The following TTC34 variants were observed in gnomAD, a reference collection of about 807,000 sequenced individuals.
TTC34 encodes the protein tetratricopeptide repeat domain 34, also known as tetratricopeptide repeat protein 34.
Under a neutral mutation model 40.7 loss-of-function variants are expected in TTC34, and 44 were observed. The observed-to-expected ratio is 1.08, with a 90% CI of 0.85 to 1.39. The LOEUF (loss-of-function observed/expected upper bound fraction) is 1.39, where lower values mean the gene tolerates loss of function less well. Among genes scored for constraint, TTC34 ranks in the 40% most tolerant of loss-of-function variants. TTC34 has a pLI of 0.00. For synonymous variants in TTC34, 422 were observed against 398.6 expected (o/e 1.06, Z -0.70); for missense variants, 884 against 838.0 (o/e 1.05, Z -0.68).
chr1:2,773,171 C>T (rs868074574), intron 6 of TTC34, among the ~76,000 whole-genome samples: 4 of 140,098 alleles, frequency 2.9e-5, no homozygotes, highest in South Asian at 2.3e-4. Context: ...TGGAGCAGCG[C>T]CCACACCCCC....
At chr1:2,700,031 T>G (rs28521907) in intron 6 of TTC34, among the ~76,000 whole-genome samples, 1 of 72,394 alleles carries the variant, frequency 1.4e-5, no homozygotes. Flanking sequence ...GAGCATCTGA[T>G]AGCCTGGAGC....
chr1:2,783,019 T>A (rs1288437285), intron 6 of TTC34, among the ~76,000 whole-genome samples: 1 of 152,218 alleles, frequency 6.6e-6, no homozygotes, highest in Admixed American at 6.5e-5. Context: ...CTGATTGGGA[T>A]CTGTCTTCTT....
chr1:2,644,519 G>C, intron 7 of TTC34, 41 bp from the exon 8 acceptor site: 1 of 1,511,910 alleles, frequency 6.6e-7, no homozygotes, highest in Non-Finnish European at 8.9e-7. Context: ...TGTGGGGTTG[G>C]GCAGAGGTGC....
Position 2,645,545 on chromosome 1 carries a change from C to A in TTC34, c.2245G>T (p.Val749Phe), listed in dbSNP as rs554219727. The A allele has an allele frequency of 9.8e-6, 10 of 1,020,522 alleles. No homozygotes were observed. Among genetic ancestry groups the A allele is most frequent in the South Asian group, 1.8e-5 (1 of 57,086 alleles). The allele number at this position is 1,020,522 out of a possible 1,614,324, so 63.2% of individuals were successfully genotyped here. ...CCGGGGCCGAGCTTCAGAGCAGAGA[C>A]GATGTCGTCCACGGCTTCCTGCAAG... The change falls in exon 7 of 9, where the codon GTC becomes TTC. Residue 749 changes from valine (V) to phenylalanine (F), a missense_variant. Transcript: ENST00000401095. This position sits in a 1 kb window ranked among gnomAD's most constrained non-coding sequence, Gnocchi z 4.7.
At position 2,789,859 on chromosome 1, in the gene TTC34, G is replaced by T; in HGVS notation, c.1272C>A (p.Cys424Ter). 2.3e-6 allele frequency: 1 copy of T among 426,174 alleles called. No individual in the cohort carries two copies. Among genetic ancestry groups the T allele is most frequent in the Admixed American group, 4.4e-5 (1 of 22,766 alleles). The allele number at this position is 426,174 out of a possible 1,614,324, so 26.4% of individuals were successfully genotyped here. Residue 424 changes from cysteine (C) to a stop codon, truncating the protein, a stop_gained, in exon 3 of 9, where the codon TGC (cysteine) becomes TGA (stop). Transcript: ENST00000401095. LOFTEE classifies it high-confidence loss of function. ...GCCGCGAGTCCCCGGCGTGCAGCGC[G>T]CAGAAGCCGCGCAGAGCCAGGAGAG...
chr1:2,692,020 C>CT, intron 6 of TTC34, among the ~76,000 whole-genome samples: 1 of 109,566 alleles, frequency 9.1e-6, no homozygotes, highest in African/African-American at 3.3e-5. Flanking sequence ...TATCAGCACC[C>CT]ACACCCCCAG....
intron 6 of TTC34, among the ~76,000 whole-genome samples, chr1:2,688,010 C>A (rs372565337): frequency 8.7e-4 from 112 of 128,116 alleles, no homozygotes; most frequent in Middle Eastern, 4.0e-3. Flanking sequence ...CCCACACCCC[C>A]AGGCGAGCAT....
intron 6 of TTC34, among the ~76,000 whole-genome samples, chr1:2,749,419 T>G (rs1569686005): frequency 1.5e-5 from 2 of 135,496 alleles, no homozygotes; most frequent in Admixed American, 7.6e-5. Context: ...GGTGCGCACG[T>G]GACAGCCTGG....
Position 2,645,440 on chromosome 1 carries a change from C to A in TTC34, c.2350G>T (p.Ala784Ser). The change falls in exon 7 of 9, where the codon GCC becomes TCC. Residue 784 changes from alanine (A) to serine (S), a missense_variant. Physicochemically the swap from Ala to Ser is moderately conservative, Grantham distance 99 (BLOSUM62 1). Coordinates refer to ENST00000401095, the Ensembl canonical transcript of TTC34. The surrounding 1 kb of genome is among the most constrained non-coding windows in gnomAD (Gnocchi z 4.7). Reference sequence around the variant, plus strand: ...GTGTCTGGCAGCTGGCTCAGAAGGGCCCGGCAGTGGGAGTAGAGGCCCTGT... The same window carrying A: ...GTGTCTGGCAGCTGGCTCAGAAGGGACCGGCAGTGGGAGTAGAGGCCCTGT... 7 of 1,535,554 alleles carry A rather than the reference C, an allele frequency of 4.6e-6. No individual in the cohort carries two copies. The highest frequency in any genetic ancestry group is 4.4e-6 in the Non-Finnish European group (5 of 1,146,682).
chr1:2,783,476 A>C, intron 6 of TTC34, 133 bp downstream of exon 6: 2 of 933,166 alleles, frequency 2.1e-6, no homozygotes, highest in African/African-American at 1.7e-5. Flanking sequence ...GGGGATGGGA[A>C]CATGGGTTTT....
At chr1:2,799,098 CCAGCCTCT>C (rs1389672837) in intron 2 of TTC34, among the ~76,000 whole-genome samples, 6 of 149,110 alleles carry the variant, frequency 4.0e-5, no homozygotes, top group Non-Finnish European at 7.4e-5. Flanking sequence ...TCCCAGACTT[CCAGCCTCT>C]CAGCCTCCCG....
chr1:2,685,006 G>C (rs1429762186), intron 6 of TTC34, among the ~76,000 whole-genome samples: 23 of 129,544 alleles, frequency 1.8e-4, no homozygotes, highest in Middle Eastern at 4.0e-3. Context: ...ACCCCCAGGC[G>C]AGCATCTGAC....
At chr1:2,700,015 C>A (rs1641056580) in intron 6 of TTC34, among the ~76,000 whole-genome samples, 1 of 118,588 alleles carries the variant, frequency 8.4e-6, no homozygotes, top group Non-Finnish European at 2.0e-5. Flanking sequence ...GTCCACACCC[C>A]CAGGTGAGCA....
At chr1:2,638,869 T>A (rs1299813634) in exon 9 of TTC34, 1 of 152,298 alleles carries the variant, frequency 6.6e-6, no homozygotes, top group Admixed American at 6.5e-5. Flanking sequence ...TCTTTGTCTA[T>A]CTGGACTGCC....
chr1:2,693,898 C>A (rs1640741126), intron 6 of TTC34, among the ~76,000 whole-genome samples: 1 of 116,462 alleles, frequency 8.6e-6, no homozygotes. Flanking sequence ...ACTGGAACAG[C>A]ACCCACATGC....
chr1:2,686,708 G>A (rs1570815183), intron 6 of TTC34, among the ~76,000 whole-genome samples: 4 of 148,822 alleles, frequency 2.7e-5, no homozygotes, highest in East Asian at 4.1e-4. Flanking sequence ...TGACAGCCTG[G>A]AACAGCACAC....
chr1:2,641,266 T>C (rs1570742529), exon 9 of TTC34: 1 of 1,325,808 alleles, frequency 7.5e-7, no homozygotes, highest in African/African-American at 1.5e-5. Context: ...GCAGGGCAGG[T>C]ACCTCCCCGA....
At position 2,767,718 on chromosome 1, in the gene TTC34, C is replaced by A. The variant is rs866755628; in HGVS notation, c.2226+15891G>T. On this transcript the variant is annotated intron_variant, in intron 6 of 8. Coordinates refer to ENST00000401095, the Ensembl canonical transcript of TTC34. Reference sequence around the variant, plus strand: ...GAGGATCTGACTACCTGGAACAGAACCCCGCTCTTCCAGGTGAGAATATGA... The same window carrying A: ...GAGGATCTGACTACCTGGAACAGAAACCCGCTCTTCCAGGTGAGAATATGA... 5.3e-4 allele frequency among the ~76,000 whole-genome samples: 74 copies of A among 139,818 alleles called. 1 individual carries two copies. The highest frequency in any genetic ancestry group is 1.9e-3 in the African/African-American group (71 of 37,220). The allele number at this position is 139,818 out of a possible 152,430, so 91.7% of individuals were successfully genotyped here. A position where few individuals can be genotyped will look rare whatever the true frequency, so the allele number is the denominator to read the frequency against.
intron 6 of TTC34, among the ~76,000 whole-genome samples, chr1:2,653,550 C>CGTGGAA (rs1639225711): frequency 7.0e-6 from 1 of 142,358 alleles, no homozygotes; most frequent in Admixed American, 7.1e-5. Context: ...TATCTGACGG[C>CGTGGAA]CAGGAATAGC....
Sources: allele counts gnomAD v4.1 joint callset (sites outside exome capture counted in the v4.1 genomes callset), GRCh38; gene constraint gnomAD v4.1.1; non-coding constraint Gnocchi (gnomAD v3.1); transcripts MANE v1.5; gene names NCBI Gene and HGNC (gene_info 2026-07-23, HGNC 2026-07-21).